The following TASP1 variants were observed in gnomAD, a reference collection of about 807,000 sequenced individuals.
TASP1 encodes threonine aspartase 1.
In TASP1, 16 loss-of-function variants were observed where a neutral mutation model predicts 56.6. That is an observed-to-expected ratio of 0.28 (90% CI 0.19 to 0.43). The LOEUF is 0.43. Among genes scored for constraint, TASP1 ranks in the 20% least tolerant of loss-of-function variants. The probability of loss-of-function intolerance (pLI) is 1.00; values close to 1 mark genes in which losing one functional copy is unlikely to be tolerated. For synonymous variants in TASP1, 179 were observed against 184.2 expected, an observed-to-expected ratio of 0.97 and a Z score of 0.23; for missense variants, 393 against 511.6, an observed-to-expected ratio of 0.77 and a Z score of 2.24.
At chr20:13,210,706 T>C in the TASP1 span, among the ~76,000 whole-genome samples, 1 of 151,982 alleles carries the variant, frequency 6.6e-6, no homozygotes, top group Non-Finnish European at 1.5e-5. Flanking sequence ...AATATAAATA[T>C]GTATAAATTC....
intron 7 of TASP1, 47 bp from the exon 8 acceptor site, chr20:13,559,161 T>C (rs767736055): frequency 5.7e-6 from 7 of 1,218,964 alleles, no homozygotes; most frequent in African/African-American, 4.7e-5. Flanking sequence ...TTAAGAAATA[T>C]TAGGGCAATG....
the TASP1 span, among the ~76,000 whole-genome samples, chr20:13,353,902 A>G: frequency 6.6e-6 from 1 of 152,198 alleles, no homozygotes; most frequent in Admixed American, 6.5e-5. Context: ...TAAAATAAAG[A>G]AAGAGGAAAA....
the TASP1 span, chr20:13,368,302 A>C: frequency 6.6e-6 from 1 of 152,166 alleles, no homozygotes; most frequent in African/African-American, 2.4e-5. Flanking sequence ...TTCTTCCTTT[A>C]TTCATCAATT....
chr20:13,375,416 T>C, the TASP1 span, among the ~76,000 whole-genome samples: 1 of 152,220 alleles, frequency 6.6e-6, no homozygotes, highest in Non-Finnish European at 1.5e-5. Flanking sequence ...TATAAACTCA[T>C]TCTTTTTTAT....
the TASP1 span, among the ~76,000 whole-genome samples, chr20:13,310,885 G>A: frequency 1.3e-5 from 2 of 152,168 alleles, no homozygotes. Flanking sequence ...TACCTGTAAG[G>A]AAGATGTTTA....
the TASP1 span, among the ~76,000 whole-genome samples, chr20:13,293,339 G>T: frequency 6.6e-6 from 1 of 152,272 alleles, no homozygotes. Context: ...GGTGCAAGGT[G>T]CAAGCTTACT....
chr20:13,227,959 C>CT, the TASP1 span, among the ~76,000 whole-genome samples: 19,523 of 128,950 alleles, frequency 0.15, 1,970 homozygotes, highest in East Asian at 0.49. Context: ...CTGCTGCTGC[C>CT]TTTTTTTTTT....
At chr20:13,553,965 T>C (rs1484845317) in intron 8 of TASP1, among the ~76,000 whole-genome samples, 1 of 152,208 alleles carries the variant, frequency 6.6e-6, no homozygotes, top group East Asian at 1.9e-4. Flanking sequence ...GTGACTGAAT[T>C]GTGCCCCTTC....
chr20:13,494,703 C>T (rs968910303), intron 10 of TASP1, among the ~76,000 whole-genome samples: 1 of 151,962 alleles, frequency 6.6e-6, no homozygotes, highest in Admixed American at 6.6e-5. Context: ...AATATCATCA[C>T]ATGAATAAAG....
chr20:13,477,158 C>A (rs1274930245), intron 11 of TASP1, among the ~76,000 whole-genome samples: 1 of 152,094 alleles, frequency 6.6e-6, no homozygotes. Flanking sequence ...TATAACTTCT[C>A]TATTTGGCAG....
intron 8 of TASP1, among the ~76,000 whole-genome samples, chr20:13,549,555 T>C (rs948286272): frequency 1.9e-4 from 29 of 152,064 alleles, no homozygotes; most frequent in African/African-American, 6.5e-4. Context: ...AATCAGGTCA[T>C]TGGTGTATGG....
At chr20:13,433,104 C>A (rs1265916138) in intron 12 of TASP1, among the ~76,000 whole-genome samples, 1 of 152,108 alleles carries the variant, frequency 6.6e-6, no homozygotes, top group African/African-American at 2.4e-5. Context: ...TTAAGTATTT[C>A]TCCTAATGCT....
At chr20:13,277,319 T>A in the TASP1 span, among the ~76,000 whole-genome samples, 3 of 152,196 alleles carry the variant, frequency 2.0e-5, no homozygotes, top group South Asian at 6.2e-4. Flanking sequence ...CAGAGACTGA[T>A]TTCATTACCA....
intron 11 of TASP1, among the ~76,000 whole-genome samples, chr20:13,441,946 A>C (rs1030452914): frequency 1.3e-5 from 2 of 152,218 alleles, no homozygotes; most frequent in Non-Finnish European, 2.9e-5. Flanking sequence ...TAAACAACTG[A>C]AAAACCTGTA....
intron 2 of TASP1, among the ~76,000 whole-genome samples, chr20:13,627,833 C>CT (rs1300813938): frequency 2.6e-5 from 4 of 151,984 alleles, no homozygotes; most frequent in Middle Eastern, 3.2e-3. Context: ...CAACTTTTGC[C>CT]TTTTTCCTGT....
At chr20:13,337,802 A>G in the TASP1 span, among the ~76,000 whole-genome samples, 1 of 152,220 alleles carries the variant, frequency 6.6e-6, no homozygotes, top group Non-Finnish European at 1.5e-5. Flanking sequence ...GCTTCAGTTA[A>G]GCTTTGAGTG....
chr20:13,115,825 A>C, the TASP1 span, among the ~76,000 whole-genome samples: 1 of 152,164 alleles, frequency 6.6e-6, no homozygotes, highest in African/African-American at 2.4e-5. Flanking sequence ...ATTGTTATAA[A>C]GACCCTGTGA....
the TASP1 span, among the ~76,000 whole-genome samples, chr20:13,189,048 T>C: frequency 1.3e-5 from 2 of 152,174 alleles, no homozygotes. Flanking sequence ...ACGTTTTTTG[T>C]CTATAAATTT....
the TASP1 span, among the ~76,000 whole-genome samples, chr20:13,344,689 C>T: frequency 1.3e-5 from 2 of 152,192 alleles, no homozygotes; most frequent in Non-Finnish European, 2.9e-5. Context: ...CAGAAGTTCC[C>T]TGAAGCCAAG....
Sources: allele counts gnomAD v4.1 joint callset (sites outside exome capture counted in the v4.1 genomes callset), GRCh38; gene constraint gnomAD v4.1.1; transcripts MANE v1.5; gene names NCBI Gene and HGNC (gene_info 2026-07-23, HGNC 2026-07-21).